The following QTMAN variants were observed in gnomAD, a reference collection of about 807,000 sequenced individuals.
The protein encoded by QTMAN is tRNA-queuosine alpha-mannosyltransferase.
the QTMAN span, among the ~76,000 whole-genome samples, chr2:144,002,405 T>G: frequency 1.3e-5 from 2 of 151,926 alleles, no homozygotes; most frequent in Non-Finnish European, 2.9e-5. Flanking sequence ...ACTTCACTAT[T>G]TGGCAGACAT....
the QTMAN span, among the ~76,000 whole-genome samples, chr2:144,296,985 T>C: frequency 6.6e-6 from 1 of 152,218 alleles, no homozygotes; most frequent in African/African-American, 2.4e-5. Flanking sequence ...CTTAGCTTAG[T>C]TTGCCCTACA....
At chr2:144,275,820 T>C in the QTMAN span, among the ~76,000 whole-genome samples, 1 of 152,166 alleles carries the variant, frequency 6.6e-6, no homozygotes, top group Non-Finnish European at 1.5e-5. Flanking sequence ...GAGATTCTGA[T>C]AAAAACTACA....
chr2:144,041,577 T>C, the QTMAN span, among the ~76,000 whole-genome samples: 1 of 152,250 alleles, frequency 6.6e-6, no homozygotes, highest in East Asian at 1.9e-4. Flanking sequence ...ACCACATCTA[T>C]TCTTACTATT....
chr2:143,970,841 T>C, the QTMAN span: 1 of 770,230 alleles, frequency 1.3e-6, no homozygotes, highest in Non-Finnish European at 2.3e-6. Flanking sequence ...TCCTACAGTA[T>C]CAATTTTTTT....
At chr2:144,078,975 T>C in the QTMAN span, among the ~76,000 whole-genome samples, 1 of 152,152 alleles carries the variant, frequency 6.6e-6, no homozygotes, top group Non-Finnish European at 1.5e-5. Context: ...GTACAGGATA[T>C]ATTCTTGATG....
the QTMAN span, among the ~76,000 whole-genome samples, chr2:144,277,348 C>T: frequency 6.6e-6 from 1 of 152,004 alleles, no homozygotes; most frequent in Non-Finnish European, 1.5e-5. Context: ...AATCCCAACT[C>T]CACCCCCACC....
the QTMAN span, among the ~76,000 whole-genome samples, chr2:144,072,337 G>A: frequency 6.6e-6 from 1 of 152,190 alleles, no homozygotes; most frequent in Non-Finnish European, 1.5e-5. Flanking sequence ...GAGTGTCAGA[G>A]TGTATGTGTC....
At chr2:144,267,580 T>C in the QTMAN span, among the ~76,000 whole-genome samples, 1 of 152,200 alleles carries the variant, frequency 6.6e-6, no homozygotes, top group Admixed American at 6.5e-5. Context: ...GCCAGTAAAC[T>C]GAAGGTGAAA....
chr2:144,255,212 C>A, the QTMAN span, among the ~76,000 whole-genome samples: 7 of 152,010 alleles, frequency 4.6e-5, no homozygotes, highest in Admixed American at 4.6e-4. Context: ...TGGCTGTATC[C>A]CCACCCAAAT....
At chr2:144,078,882 G>T in the QTMAN span, among the ~76,000 whole-genome samples, 3 of 152,104 alleles carry the variant, frequency 2.0e-5, no homozygotes, top group Admixed American at 6.5e-5. Flanking sequence ...AAGGGGTGAA[G>T]TCTATACATC....
At chr2:144,319,531 A>C in the QTMAN span, among the ~76,000 whole-genome samples, 1 of 152,130 alleles carries the variant, frequency 6.6e-6, no homozygotes, top group South Asian at 2.1e-4. Context: ...CAACCACACC[A>C]ACCAATACCA....
chr2:143,971,741 AAT>A, the QTMAN span, among the ~76,000 whole-genome samples: 1,634 of 152,134 alleles, frequency 0.011, 10 homozygotes, highest in Middle Eastern at 0.017. Context: ...ATTATGAAAA[AAT>A]AGTTATATAT....
the QTMAN span, among the ~76,000 whole-genome samples, chr2:144,149,843 G>T: frequency 6.6e-6 from 1 of 151,966 alleles, no homozygotes; most frequent in South Asian, 2.1e-4. Flanking sequence ...TCAGTTGTTT[G>T]CCTTTTACCC....
the QTMAN span, among the ~76,000 whole-genome samples, chr2:144,114,685 T>TACAAAACAAAACAAA: frequency 9.1e-3 from 1,369 of 149,694 alleles, 4 homozygotes; most frequent in South Asian, 0.014. Context: ...GTGCCCACAC[T>TACAAAACAAAACAAA]ACAAAACAAA....
the QTMAN span, among the ~76,000 whole-genome samples, chr2:144,198,442 G>A: frequency 1.3e-5 from 2 of 152,142 alleles, no homozygotes; most frequent in Non-Finnish European, 2.9e-5. Flanking sequence ...CTTTGTTAGA[G>A]CTTCTGAAAA....
chr2:144,231,144 C>T, the QTMAN span, among the ~76,000 whole-genome samples: 1 of 152,106 alleles, frequency 6.6e-6, no homozygotes, highest in East Asian at 1.9e-4. Context: ...TCATGCAATA[C>T]TATCTATTGA....
chr2:144,009,001 T>C, the QTMAN span, among the ~76,000 whole-genome samples: 1 of 151,932 alleles, frequency 6.6e-6, no homozygotes, highest in Non-Finnish European at 1.5e-5. Flanking sequence ...CTTTTAAAAA[T>C]GAGGCACATG....
chr2:143,959,453 T>C, the QTMAN span, among the ~76,000 whole-genome samples: 1 of 152,142 alleles, frequency 6.6e-6, no homozygotes, highest in Non-Finnish European at 1.5e-5. Flanking sequence ...ACAGTTTGAT[T>C]TGGCATTCTT....
the QTMAN span, among the ~76,000 whole-genome samples, chr2:144,293,451 T>C: frequency 3.9e-5 from 6 of 152,212 alleles, no homozygotes; most frequent in Admixed American, 3.3e-4. Context: ...AGATATTATA[T>C]GGGTCTCAAA....
Sources: allele counts gnomAD v4.1 joint callset (sites outside exome capture counted in the v4.1 genomes callset), GRCh38; gene constraint gnomAD v4.1.1; transcripts MANE v1.5; gene names NCBI Gene and HGNC (gene_info 2026-07-23, HGNC 2026-07-21).